PTDSS1: variants seen among roughly 807,000 people sequenced by gnomAD.
The protein encoded by PTDSS1 is PSS-1.
In PTDSS1, 45 loss-of-function variants were observed where a neutral mutation model predicts 70.5. The ratio of observed to expected loss-of-function variants is 0.64; its 90% CI spans 0.50 to 0.82. The LOEUF (loss-of-function observed/expected upper bound fraction) is 0.82, where lower values mean the gene tolerates loss of function less well. Among genes scored for constraint, PTDSS1 ranks in the 40% least tolerant of loss-of-function variants. The pLI is 0.00. For synonymous variants in PTDSS1, 188 were observed against 203.8 expected (o/e 0.92, Z 0.66); for missense variants, 417 against 586.1 (o/e 0.71, Z 2.98).
At position 96,304,106 on chromosome 8, in the gene PTDSS1, C is replaced by A; in HGVS notation, c.819C>A (p.Thr273=). 1.2e-6 allele frequency: 2 copies of A among 1,613,436 alleles called. No homozygotes were observed. Among genetic ancestry groups the A allele is most frequent in the Non-Finnish European group, 1.7e-6 (2 of 1,179,656 alleles). The change falls in exon 7 of 13, where the codon ACC becomes ACA. Residue 273 remains threonine (T), a synonymous_variant. Coordinates refer to ENST00000517309, the MANE Select transcript of PTDSS1 (RefSeq NM_014754.3). ...TGCAGTTCACTCCTGCTAGCTGGAC[C>A]TATGTTCGATGGTTTGACCCCAAAT... The part of the protein sequence containing the change: ...AVLQFTPASW[T]YVRWFDPKSS...
rs377588842 is a variant in PTDSS1 at position 96,333,591 on chromosome 8, T to G, written c.*25T>G. 1 of 1,577,738 alleles carries G rather than the reference T, an allele frequency of 6.3e-7. No individual in the cohort carries two copies. Among genetic ancestry groups the G allele is most frequent in the Non-Finnish European group, 8.7e-7 (1 of 1,146,932 alleles). On this transcript the variant is annotated 3_prime_UTR_variant, in exon 13 of 13. Coordinates refer to ENST00000517309, the MANE Select transcript of PTDSS1 (RefSeq NM_014754.3). ...AAAAACCCTGGTTAATCAAAGATGT[T>G]CCAGAGTGCCTAGAACTGAGAGGGA...
At chr8:96,324,588 C>G (rs547775817) in intron 10 of PTDSS1, among the ~76,000 whole-genome samples, 4 of 152,152 alleles carry the variant, frequency 2.6e-5, no homozygotes, top group African/African-American at 9.7e-5. Context: ...ACAAGTGCAC[C>G]AGACAGAGAG....
At position 96,286,075 on chromosome 8, in the gene PTDSS1, C is replaced by T. The variant is rs191831638; in HGVS notation, c.317-947C>T. On this transcript the variant is annotated intron_variant, in intron 3 of 12. Transcript: ENST00000517309. ...CCTGTTAGAAGGTCTGGCACTATAG[C>T]GCTTGCAGTGGATTTCATTCCAGCC... Among the ~76,000 whole-genome samples the T allele has an allele frequency of 5.3e-5, 8 of 152,266 alleles. No homozygotes were observed. In the East Asian group the frequency reaches 1.2e-3, roughly 22 times the overall value.
chr8:96,282,431 G>T (rs183871506), intron 2 of PTDSS1, among the ~76,000 whole-genome samples: 2 of 152,182 alleles, frequency 1.3e-5, no homozygotes, highest in East Asian at 3.9e-4. Context: ...CACTGTCTGA[G>T]CCCTCACTAT....
intron 2 of PTDSS1, among the ~76,000 whole-genome samples, chr8:96,282,368 G>T (rs1810751159): frequency 6.6e-6 from 1 of 152,208 alleles, no homozygotes; most frequent in African/African-American, 2.4e-5. Context: ...AACCTTCACT[G>T]TGACTTTCTG....
intron 9 of PTDSS1, among the ~76,000 whole-genome samples, chr8:96,315,194 T>C (rs1811268600): frequency 6.6e-6 from 1 of 152,204 alleles, no homozygotes; most frequent in Non-Finnish European, 1.5e-5. Flanking sequence ...CTTCCTGGCA[T>C]CCTGTGTGAT....
rs768508635 is a variant in PTDSS1 at position 96,295,276 on chromosome 8, G to A, written c.600+20G>A. 8.7e-6 allele frequency: 14 copies of A among 1,606,744 alleles called. No individual in the cohort carries two copies. Among genetic ancestry groups the A allele is most frequent in the African/African-American group, 2.7e-5 (2 of 74,706 alleles). On this transcript the variant is annotated intron_variant, in intron 5 of 12. Coordinates refer to ENST00000517309, the MANE Select transcript of PTDSS1 (RefSeq NM_014754.3). ...ACTGAGGTAAGAAGGAGGGCATTGG[G>A]GGTTCCCCAGACTGTGCCATGTGTG...
chr8:96,296,741 T>A (rs1237900610), intron 5 of PTDSS1, among the ~76,000 whole-genome samples: 1 of 152,220 alleles, frequency 6.6e-6, no homozygotes, highest in South Asian at 2.1e-4. Flanking sequence ...GTGGGGGATC[T>A]GGAGTGCACA....
intron 9 of PTDSS1, among the ~76,000 whole-genome samples, chr8:96,316,481 G>A (rs542672109): frequency 1.3e-5 from 2 of 152,284 alleles, no homozygotes; most frequent in South Asian, 4.1e-4. Context: ...AACCGCATAT[G>A]CTCACTTAAA....
chr8:96,312,230 C>T (rs1417163109), intron 9 of PTDSS1, among the ~76,000 whole-genome samples: 1 of 152,176 alleles, frequency 6.6e-6, no homozygotes, highest in Non-Finnish European at 1.5e-5. Flanking sequence ...GTGGGAGGAT[C>T]GCTTGACGCC....
intron 2 of PTDSS1, among the ~76,000 whole-genome samples, chr8:96,279,215 A>G (rs1218642511): frequency 6.6e-6 from 1 of 151,474 alleles, no homozygotes; most frequent in Non-Finnish European, 1.5e-5. Flanking sequence ...TCCTGACCTC[A>G]GGTGATCTGC....
chr8:96,281,099 C>G (rs1810729010), intron 2 of PTDSS1, among the ~76,000 whole-genome samples: 1 of 152,158 alleles, frequency 6.6e-6, no homozygotes, highest in African/African-American at 2.4e-5. Context: ...GGTGACTTGA[C>G]TGGAGTAGCC....
intron 9 of PTDSS1, among the ~76,000 whole-genome samples, chr8:96,318,902 C>CTTTT (rs71267241): frequency 0.024 from 1,109 of 46,198 alleles, 339 homozygotes; most frequent in East Asian, 0.043. Context: ...CCCTTCTTGC[C>CTTTT]TTTTTTTTTT....
At chr8:96,288,789 T>A (rs1398419157) in intron 4 of PTDSS1, among the ~76,000 whole-genome samples, 2 of 149,736 alleles carry the variant, frequency 1.3e-5, no homozygotes, top group East Asian at 4.0e-4. Context: ...ACCATCACAC[T>A]CGGCTAATTT....
chr8:96,308,799 C>T lies in PTDSS1; in HGVS notation c.1008-758C>T, dbSNP rs192777366. Reference sequence around the variant, plus strand: ...CCTTTTTACTTTTTTAACATGTCTACTGGAGAATTTAAAATTGCATTTATG... The same window carrying T: ...CCTTTTTACTTTTTTAACATGTCTATTGGAGAATTTAAAATTGCATTTATG... On this transcript the variant is annotated intron_variant, in intron 8 of 12. Coordinates refer to ENST00000517309, the MANE Select transcript of PTDSS1 (RefSeq NM_014754.3). Among the ~76,000 whole-genome samples, 807 of 152,140 alleles carry T rather than the reference C, an allele frequency of 5.3e-3. 4 individuals are homozygous for T. The highest frequency in any genetic ancestry group is 0.017 in the African/African-American group (724 of 41,406).
At position 96,261,928 on chromosome 8, in the gene PTDSS1, G is replaced by C; in HGVS notation, c.-113G>C. 1 of 1,158,602 alleles carries C rather than the reference G, an allele frequency of 8.6e-7. No homozygotes were observed. The highest frequency in any genetic ancestry group is 1.5e-5 in the South Asian group (1 of 64,838). 71.8% of individuals were successfully genotyped at this position (1,158,602 alleles called of 1,614,324 possible). ...CCTCTGCTCCCAGCCTTTGCTGGGC[G>C]CCAGACCCGGCTTTGCCGTCCGGCT... is the stretch of plus-strand genomic sequence containing the variant. On this transcript the variant is annotated 5_prime_UTR_variant, in exon 1 of 13. Transcript: ENST00000517309.
At chr8:96,323,409 G>A (rs1012154883) in intron 10 of PTDSS1, among the ~76,000 whole-genome samples, 1 of 152,208 alleles carries the variant, frequency 6.6e-6, no homozygotes, top group African/African-American at 2.4e-5. Flanking sequence ...TTGAAATCTA[G>A]GTGGAGGAAG....
At chr8:96,276,945 TCTC>T (rs1414400387) in intron 2 of PTDSS1, among the ~76,000 whole-genome samples, 7 of 148,806 alleles carry the variant, frequency 4.7e-5, no homozygotes, top group African/African-American at 1.0e-4. Context: ...CATCCTTTCT[TCTC>T]CTCCCGGGCA....
chr8:96,322,085 A>C (rs572708120), intron 10 of PTDSS1, among the ~76,000 whole-genome samples: 1 of 152,128 alleles, frequency 6.6e-6, no homozygotes, highest in South Asian at 2.1e-4. Context: ...GCCCACAGGG[A>C]GGGTGAGACA....
Sources: gnomAD v4.1 joint callset for allele counts (sites outside exome capture counted in the v4.1 genomes callset) on GRCh38, gnomAD v4.1.1 for gene constraint, MANE v1.5 for transcripts, NCBI Gene and HGNC (gene_info 2026-07-23, HGNC 2026-07-21) for gene names.